Variants in CAB39 observed in about 807,000 individuals in gnomAD.
CAB39 encodes the protein calcium binding protein 39, also known as calcium-binding protein 39.
CAB39 carries 8 observed loss-of-function variants against 40.0 expected under a neutral mutation model. The ratio of observed to expected loss-of-function variants is 0.20; its 90% CI spans 0.12 to 0.36. The LOEUF (loss-of-function observed/expected upper bound fraction) is 0.36, where lower values mean the gene tolerates loss of function less well. Ranked by LOEUF, CAB39 falls within the 10% of genes least tolerant of loss-of-function variation. The pLI is 1.00. For missense variants in CAB39, 270 were observed against 401.1 expected, an observed-to-expected ratio of 0.67 and a Z score of 2.79; for synonymous variants, 156 against 141.6, an observed-to-expected ratio of 1.10 and a Z score of -0.72.
intron 1 of CAB39, among the ~76,000 whole-genome samples, chr2:230,720,792 T>G (rs1235346316): frequency 6.6e-6 from 1 of 152,194 alleles, no homozygotes; most frequent in African/African-American, 2.4e-5. Context: ...ACAAGTTTTT[T>G]CCTGCTTTGA....
At chr2:230,715,738 G>A (rs1694336905) in intron 1 of CAB39, among the ~76,000 whole-genome samples, 1 of 152,112 alleles carries the variant, frequency 6.6e-6, no homozygotes, top group Admixed American at 6.5e-5. Context: ...GTTCTCACTC[G>A]GTCGCTCAGG....
At chr2:230,760,196 C>T in intron 2 of CAB39, 81 bp downstream of exon 2, 6 of 765,404 alleles carry the variant, frequency 7.8e-6, no homozygotes, top group Non-Finnish European at 1.1e-5. Context: ...CAGTAAGTCC[C>T]AATTTGGGTT....
chr2:230,797,388 C>T (rs1696004725), intron 4 of CAB39, among the ~76,000 whole-genome samples: 1 of 152,006 alleles, frequency 6.6e-6, no homozygotes, highest in Non-Finnish European at 1.5e-5. Context: ...ATTTCAGGTG[C>T]TCAGTAGCTA....
At chr2:230,778,431 T>C (rs1695632254) in intron 2 of CAB39, among the ~76,000 whole-genome samples, 1 of 152,222 alleles carries the variant, frequency 6.6e-6, no homozygotes, top group African/African-American at 2.4e-5. Flanking sequence ...ATTGTACTTT[T>C]GTATCACTAC....
intron 1 of CAB39, among the ~76,000 whole-genome samples, chr2:230,747,027 G>A (rs927876157): frequency 2.0e-5 from 3 of 152,144 alleles, no homozygotes; most frequent in Non-Finnish European, 4.4e-5. Flanking sequence ...CACTTTTACT[G>A]TGGAGATCTT....
At chr2:230,794,024 GT>G (rs1182655353) in intron 4 of CAB39, among the ~76,000 whole-genome samples, 1 of 152,218 alleles carries the variant, frequency 6.6e-6, no homozygotes, top group Non-Finnish European at 1.5e-5. Context: ...TCACACCAGA[GT>G]TGTGTGCCAG....
At chr2:230,793,452 T>A in intron 4 of CAB39, 121 bp downstream of exon 4, 1 of 466,976 alleles carries the variant, frequency 2.1e-6, no homozygotes, top group Non-Finnish European at 3.9e-6. Context: ...AATTTTTCCA[T>A]AGATTTTGAA....
chr2:230,799,850 C>T (rs1403630972), intron 5 of CAB39, among the ~76,000 whole-genome samples: 3 of 151,926 alleles, frequency 2.0e-5, no homozygotes, highest in Non-Finnish European at 4.4e-5. Context: ...ATCAGCCGGG[C>T]GTAGTGGCGC....
At chr2:230,790,562 C>T (rs79883331) in intron 2 of CAB39, among the ~76,000 whole-genome samples, 2,834 of 152,280 alleles carry the variant, frequency 0.019, 41 homozygotes, top group South Asian at 0.028. Flanking sequence ...TGATGTTTCC[C>T]TCCCACTTGA....
rs1696482601 is a variant in CAB39 at position 230,820,150 on chromosome 2, A to G, written c.*1446A>G. The G allele has an allele frequency of 6.5e-6, 1 of 152,742 alleles. No individual in the cohort carries two copies. Among genetic ancestry groups the G allele is most frequent in the East Asian group, 1.9e-4 (1 of 5,186 alleles). 9.5% of individuals were successfully genotyped at this position (152,742 alleles called of 1,614,324 possible). A position where few individuals can be genotyped will look rare whatever the true frequency, so the allele number is the denominator to read the frequency against. On this transcript the variant is annotated 3_prime_UTR_variant, in exon 9 of 9. Transcript: ENST00000258418. ...AAAGTTATTAGAATGGTATCTGTTCATTTTAGTGATATGAAGATCACAACT... is the reference window on the plus strand; with the variant it reads ...AAAGTTATTAGAATGGTATCTGTTCGTTTTAGTGATATGAAGATCACAACT...
chr2:230,782,203 G>A (rs975784622), intron 2 of CAB39, among the ~76,000 whole-genome samples: 1 of 152,174 alleles, frequency 6.6e-6, no homozygotes. Flanking sequence ...GTCATCTTCA[G>A]TTAGTAAATA....
At chr2:230,727,622 G>T (rs1256436724) in intron 1 of CAB39, among the ~76,000 whole-genome samples, 6 of 151,650 alleles carry the variant, frequency 4.0e-5, no homozygotes, top group African/African-American at 1.5e-4. Flanking sequence ...TTGCTATGTT[G>T]CCTAGGCTGG....
intron 1 of CAB39, among the ~76,000 whole-genome samples, chr2:230,733,847 C>G (rs914907078): frequency 2.0e-5 from 3 of 152,120 alleles, no homozygotes; most frequent in Admixed American, 6.5e-5. Context: ...TTAGGATAGC[C>G]AGGGGAAAAA....
chr2:230,754,510 C>T (rs1695155054), intron 1 of CAB39, among the ~76,000 whole-genome samples: 1 of 150,410 alleles, frequency 6.6e-6, no homozygotes, highest in Admixed American at 6.7e-5. Context: ...CCTCCTCATC[C>T]CTCCTTCTCC....
At chr2:230,760,834 G>T (rs554375630) in intron 2 of CAB39, among the ~76,000 whole-genome samples, 2 of 152,132 alleles carry the variant, frequency 1.3e-5, no homozygotes, top group South Asian at 2.1e-4. Flanking sequence ...TTATGATTCA[G>T]TTCTGACTTC....
At chr2:230,748,832 ATATATATATAT>A (rs1387291035) in intron 1 of CAB39, among the ~76,000 whole-genome samples, 227 of 21,744 alleles carry the variant, frequency 0.01, 8 homozygotes, top group Admixed American at 0.014. Context: ...AAAAAAAAAA[ATATATATATAT>A]ATATATATAT....
At chr2:230,764,621 G>A (rs1325986572) in intron 2 of CAB39, among the ~76,000 whole-genome samples, 5 of 152,202 alleles carry the variant, frequency 3.3e-5, no homozygotes, top group Admixed American at 2.6e-4. Flanking sequence ...GTATTGGGAT[G>A]TGGTCAAGCT....
At chr2:230,808,703 C>T (rs907841989) in intron 5 of CAB39, among the ~76,000 whole-genome samples, 2 of 152,168 alleles carry the variant, frequency 1.3e-5, no homozygotes, top group Admixed American at 6.5e-5. Flanking sequence ...GTAGGTCCTT[C>T]CTGGCCATCC....
chr2:230,721,678 A>G (rs1694456174), intron 1 of CAB39, among the ~76,000 whole-genome samples: 1 of 152,206 alleles, frequency 6.6e-6, no homozygotes, highest in Non-Finnish European at 1.5e-5. Context: ...GAGAGGTTCC[A>G]GGGTGAGATT....
Sources: allele counts gnomAD v4.1 joint callset (sites outside exome capture counted in the v4.1 genomes callset), GRCh38; gene constraint gnomAD v4.1.1; transcripts MANE v1.5; gene names NCBI Gene and HGNC (gene_info 2026-07-23, HGNC 2026-07-21).